ZNF565: variants seen among roughly 807,000 people sequenced by gnomAD.
The protein encoded by ZNF565 is zinc finger protein 565.
Under a neutral mutation model 39.4 loss-of-function variants are expected in ZNF565, and 27 were observed. The observed-to-expected ratio is 0.69, with a 90% CI of 0.51 to 0.95. The LOEUF (loss-of-function observed/expected upper bound fraction) is 0.95. Among genes scored for constraint, ZNF565 ranks in the 40% least tolerant of loss-of-function variants. The pLI is 0.00. For missense variants in ZNF565, 524 were observed against 621.1 expected (o/e 0.84, Z 1.66); for synonymous variants, 185 against 216.6 (o/e 0.85, Z 1.28).
At chr19:36,236,663 A>G (rs1977656270) in intron 1 of ZNF565, 1 of 1,614,110 alleles carries the variant, frequency 6.2e-7, no homozygotes, top group African/African-American at 1.3e-5. Flanking sequence ...TTTCGAATGT[A>G]ATGAATGTGG....
At chr19:36,203,940 C>T (rs1019844322) in intron 1 of ZNF565, among the ~76,000 whole-genome samples, 1 of 149,886 alleles carries the variant, frequency 6.7e-6, no homozygotes, top group African/African-American at 2.5e-5. Context: ...GGGGGTGTGT[C>T]AAAAGAAATA....
chr19:36,196,041 ATTC>A (rs1477791625), intron 2 of ZNF565, among the ~76,000 whole-genome samples: 2 of 151,296 alleles, frequency 1.3e-5, no homozygotes, highest in East Asian at 3.9e-4. Flanking sequence ...GGTTCAAGCA[ATTC>A]TTCTGCTTCA....
chr19:36,197,419 C>G (rs1211802394), intron 2 of ZNF565, among the ~76,000 whole-genome samples: 2 of 151,880 alleles, frequency 1.3e-5, no homozygotes, highest in Admixed American at 6.6e-5. Flanking sequence ...TTGCAGTGAG[C>G]TGAGATTGCG....
chr19:36,221,304 T>TC (rs901864921), intron 1 of ZNF565, among the ~76,000 whole-genome samples: 3 of 148,664 alleles, frequency 2.0e-5, no homozygotes, highest in African/African-American at 7.5e-5. Context: ...TTTTTTTTTT[T>TC]TTGAGACGGA....
intron 1 of ZNF565, among the ~76,000 whole-genome samples, chr19:36,222,971 A>G (rs1976916529): frequency 6.6e-6 from 1 of 151,882 alleles, no homozygotes; most frequent in Non-Finnish European, 1.5e-5. Context: ...CACCACACCA[A>G]AGACCTTTTT....
At chr19:36,201,844 G>A in intron 2 of ZNF565, 133 bp downstream of exon 2, 1 of 1,003,740 alleles carries the variant, frequency 1.0e-6, no homozygotes. Flanking sequence ...AGGGACTTGG[G>A]CACCATTACT....
At chr19:36,239,802 A>G (rs537143605) in intron 1 of ZNF565, among the ~76,000 whole-genome samples, 358 of 152,314 alleles carry the variant, frequency 2.4e-3, no homozygotes, top group Non-Finnish European at 3.9e-3. Context: ...ACAGAGTTCT[A>G]TTTTGTAAAC....
At chr19:36,223,188 G>C (rs1244342027) in intron 1 of ZNF565, among the ~76,000 whole-genome samples, 1 of 151,718 alleles carries the variant, frequency 6.6e-6, no homozygotes, top group African/African-American at 2.4e-5. Context: ...AGGCTGAGGC[G>C]GGTAGATCAC....
intron 1 of ZNF565, among the ~76,000 whole-genome samples, chr19:36,243,045 G>GTTTT (rs1232319227): frequency 1.3e-5 from 2 of 152,078 alleles, no homozygotes; most frequent in African/African-American, 2.4e-5. Context: ...TTGTTTGTTT[G>GTTTT]TTTTTGAGGC....
upstream of ZNF565, chr19:36,214,890 C>T (rs1976528607): frequency 6.6e-6 from 1 of 152,634 alleles, no homozygotes; most frequent in African/African-American, 2.4e-5. Context: ...CTACTTACCT[C>T]AAGAGCTCCA....
chr19:36,188,985 C>G (rs1975424349), intron 4 of ZNF565, among the ~76,000 whole-genome samples: 1 of 152,090 alleles, frequency 6.6e-6, no homozygotes, highest in Non-Finnish European at 1.5e-5. Flanking sequence ...CAAATTCATA[C>G]AGACAAAAAG....
intron 4 of ZNF565, among the ~76,000 whole-genome samples, chr19:36,186,920 G>C (rs1401886299): frequency 6.6e-6 from 1 of 152,144 alleles, no homozygotes; most frequent in Non-Finnish European, 1.5e-5. Context: ...GCCGGGTGCG[G>C]TGACTCATGC....
chr19:36,193,441 C>CTTTTTTT (rs918390781), intron 4 of ZNF565, among the ~76,000 whole-genome samples: 10 of 131,828 alleles, frequency 7.6e-5, no homozygotes, highest in African/African-American at 1.1e-4. Context: ...TTTCTTTTTT[C>CTTTTTTT]TTTTTTTTTT....
chr19:36,215,349 C>G (rs899777288), upstream of ZNF565, among the ~76,000 whole-genome samples: 1 of 151,964 alleles, frequency 6.6e-6, no homozygotes, highest in South Asian at 2.1e-4. Flanking sequence ...CGGGTTTGAG[C>G]GAGTGTGACC....
chr19:36,192,945 T>C (rs57994318), intron 4 of ZNF565, among the ~76,000 whole-genome samples: 6,129 of 151,034 alleles, frequency 0.041, 392 homozygotes, highest in African/African-American at 0.14. Context: ...GCCTCCCGAG[T>C]GGCTGGAATT....
At chr19:36,199,735 T>C (rs1278041012) in intron 2 of ZNF565, among the ~76,000 whole-genome samples, 1 of 152,126 alleles carries the variant, frequency 6.6e-6, no homozygotes, top group Non-Finnish European at 1.5e-5. Flanking sequence ...AGGCTGGTCT[T>C]GTACTCCTGA....
At chr19:36,221,696 C>T (rs941284904) in intron 1 of ZNF565, among the ~76,000 whole-genome samples, 1 of 152,058 alleles carries the variant, frequency 6.6e-6, no homozygotes, top group African/African-American at 2.4e-5. Flanking sequence ...TGCTCCCTTC[C>T]CCCAGTCACA....
chr19:36,212,441 C>T (rs1976394996), intron 1 of ZNF565, among the ~76,000 whole-genome samples: 1 of 151,478 alleles, frequency 6.6e-6, no homozygotes, highest in South Asian at 2.1e-4. Flanking sequence ...GTGAAACCCC[C>T]CTCCCCCCGT....
chr19:36,237,451 G>GTT, intron 1 of ZNF565: 1 of 1,140,262 alleles, frequency 8.8e-7, no homozygotes, highest in Non-Finnish European at 1.2e-6. Context: ...AAAACTTAAG[G>GTT]GACACCAGAA....
Sources: allele counts gnomAD v4.1 joint callset (sites outside exome capture counted in the v4.1 genomes callset), GRCh38; gene constraint gnomAD v4.1.1; transcripts MANE v1.5; gene names NCBI Gene and HGNC (gene_info 2026-07-23, HGNC 2026-07-21).